The following PTPRN2 variants were observed in gnomAD, a reference collection of about 807,000 sequenced individuals.
PTPRN2 encodes protein tyrosine phosphatase receptor type N2.
Under a neutral mutation model 118.8 loss-of-function variants are expected in PTPRN2, and 74 were observed. That is an observed-to-expected ratio of 0.62 (90% CI 0.52 to 0.76). PTPRN2 has a LOEUF of 0.76. Ranked by LOEUF, PTPRN2 falls within the 30% of genes least tolerant of loss-of-function variation. The pLI, the probability that PTPRN2 is intolerant of heterozygous loss-of-function variation, is 0.00. For missense variants in PTPRN2, 1,481 were observed against 1,394.4 expected (o/e 1.06, Z -0.99); for synonymous variants, 641 against 608.0 (o/e 1.05, Z -0.80).
At position 158,197,870 on chromosome 7, in the gene PTPRN2, C is replaced by T. The variant is rs374990854; in HGVS notation, c.381-5375G>A. On this transcript the variant is annotated intron_variant, in intron 4 of 22. Transcript: ENST00000389418. ...CTCCCACTGGGTCCCTCCCATGACA[C>T]GTGCAGATTATGAGAACTACAATTC... 5.3e-5 allele frequency among the ~76,000 whole-genome samples: 8 copies of T among 152,274 alleles called. No homozygotes were observed. In the East Asian group the frequency reaches 1.3e-3, roughly 26 times the overall value.
intron 11 of PTPRN2, among the ~76,000 whole-genome samples, chr7:157,982,752 T>G: frequency 2.3e-5 from 2 of 85,618 alleles, no homozygotes; most frequent in Non-Finnish European, 4.3e-5. Context: ...AGGAGGGGAA[T>G]GCAGAGTGCA....
chr7:157,851,922 C>T (rs900672538), intron 12 of PTPRN2, among the ~76,000 whole-genome samples: 4 of 152,228 alleles, frequency 2.6e-5, no homozygotes, highest in East Asian at 1.9e-4. Flanking sequence ...CTTGTGCCTC[C>T]GCCCACCTCG....
intron 13 of PTPRN2, among the ~76,000 whole-genome samples, chr7:157,672,203 G>A (rs1208893626): frequency 6.6e-6 from 1 of 152,154 alleles, no homozygotes; most frequent in East Asian, 1.9e-4. Flanking sequence ...GGAACGGGAA[G>A]GCCTGAGCAA....
At chr7:158,355,471 T>C (rs1310430414) in intron 2 of PTPRN2, among the ~76,000 whole-genome samples, 2 of 152,214 alleles carry the variant, frequency 1.3e-5, no homozygotes, top group African/African-American at 2.4e-5. Flanking sequence ...CTGCTCACAC[T>C]GTGTCATCTG....
intron 3 of PTPRN2, among the ~76,000 whole-genome samples, chr7:158,246,965 C>T (rs1796295781): frequency 1.3e-5 from 2 of 152,352 alleles, no homozygotes; most frequent in African/African-American, 2.4e-5. Flanking sequence ...GCCATCTCCA[C>T]GCACTTCTCA....
chr7:158,085,363 ACGACGCCCAT>A (rs1813253184), intron 10 of PTPRN2, among the ~76,000 whole-genome samples: 2 of 95,468 alleles, frequency 2.1e-5, no homozygotes, highest in African/African-American at 9.2e-5. Flanking sequence ...ATCCACACCC[ACGACGCCCAT>A]CCACACATGC....
intron 11 of PTPRN2, among the ~76,000 whole-genome samples, chr7:158,012,280 CG>C (rs1806102609): frequency 6.6e-6 from 1 of 151,600 alleles, no homozygotes; most frequent in Admixed American, 6.6e-5. Context: ...GGGGAACTGC[CG>C]GGGGCTGATA....
In PTPRN2 at chr7:157,619,290, C is replaced by G. The variant is rs1175275030; in HGVS notation, c.2344+2072G>C. Among the ~76,000 whole-genome samples, 1 of 152,270 alleles carries G rather than the reference C, an allele frequency of 6.6e-6. No individual in the cohort carries two copies. Among genetic ancestry groups the G allele is most frequent in the African/African-American group, 2.4e-5 (1 of 41,552 alleles). On this transcript the variant is annotated intron_variant, in intron 15 of 22. Transcript: ENST00000389418. The surrounding 1 kb of genome is among the most constrained non-coding windows in gnomAD (Gnocchi z 5.3). ...AACACCTCACAATCTAAGTAAATGA[C>G]CAGACACACAGAGACATATAATGCA...
At chr7:158,252,520 C>T (rs991751987) in intron 3 of PTPRN2, among the ~76,000 whole-genome samples, 8 of 152,154 alleles carry the variant, frequency 5.3e-5, no homozygotes, top group Non-Finnish European at 1.2e-4. Flanking sequence ...CACTACCCCC[C>T]AGCCCCAGCC....
chr7:157,933,163 T>C (rs553465614), intron 11 of PTPRN2, among the ~76,000 whole-genome samples: 176 of 122,784 alleles, frequency 1.4e-3, no homozygotes, highest in African/African-American at 5.0e-3. Flanking sequence ...TCACTCTGAT[T>C]GACAGTTTTA....
intron 6 of PTPRN2, among the ~76,000 whole-genome samples, chr7:158,158,787 C>T (rs1471502927): frequency 2.3e-5 from 2 of 85,538 alleles, no homozygotes; most frequent in African/African-American, 7.7e-5. Context: ...GCCGGGACTT[C>T]GCAAGTGCTT....
At chr7:158,350,043 T>C (rs1014710028) in intron 2 of PTPRN2, among the ~76,000 whole-genome samples, 4 of 152,152 alleles carry the variant, frequency 2.6e-5, no homozygotes, top group Non-Finnish European at 4.4e-5. Context: ...GTAAAGTGGA[T>C]TGCAGCATCC....
intron 3 of PTPRN2, among the ~76,000 whole-genome samples, chr7:158,298,881 C>T (rs1248489548): frequency 1.3e-5 from 2 of 152,190 alleles, no homozygotes; most frequent in Non-Finnish European, 2.9e-5. Flanking sequence ...CATGTCATCA[C>T]TTCTTCCTGG....
intron 14 of PTPRN2, among the ~76,000 whole-genome samples, chr7:157,649,144 G>A (rs548938538): frequency 1.3e-4 from 14 of 109,760 alleles, no homozygotes; most frequent in South Asian, 3.6e-4. Context: ...TCGGTGGGTC[G>A]GACCCATCCA....
intron 11 of PTPRN2, among the ~76,000 whole-genome samples, chr7:158,071,278 CCG>C (rs1811482414): frequency 4.0e-5 from 1 of 25,126 alleles, no homozygotes; most frequent in Non-Finnish European, 7.3e-5. Context: ...GTGGAGGTGC[CCG>C]TGGTGGTGGA....
At chr7:157,866,748 G>A (rs1163056137) in intron 12 of PTPRN2, among the ~76,000 whole-genome samples, 3 of 150,736 alleles carry the variant, frequency 2.0e-5, no homozygotes, top group East Asian at 2.0e-4. Flanking sequence ...GCCCCGAGAT[G>A]CACGGCCACC....
chr7:157,900,640 T>A (rs1797386347), intron 11 of PTPRN2, among the ~76,000 whole-genome samples: 1 of 152,222 alleles, frequency 6.6e-6, no homozygotes, highest in African/African-American at 2.4e-5. Flanking sequence ...CCTGCCAGGA[T>A]GCTCTGAGCT....
chr7:157,686,894 A>C (rs1198777917), intron 12 of PTPRN2, among the ~76,000 whole-genome samples: 2 of 152,226 alleles, frequency 1.3e-5, no homozygotes, highest in Non-Finnish European at 2.9e-5. Context: ...ATAATTTAAA[A>C]AAATAATCAG....
rs777411917 is a variant in PTPRN2, at chr7:158,081,339, T to C, written c.1682A>G (p.Asn561Ser). 45 of 1,614,078 alleles carry C rather than the reference T, an allele frequency of 2.8e-5. No homozygotes were observed. Among genetic ancestry groups the C allele is most frequent in the East Asian group, 8.9e-5 (4 of 44,896 alleles). The stretch of plus-strand genomic sequence containing the variant: ...ATCCTCAGTGGTCACGTTTTGGACA[T>C]TGGCGCTCACTTTGAAGGTCACTGC... ...GPAVTFKVSANVQNVTTEDVE... is the reference protein window; with the variant it reads ...GPAVTFKVSASVQNVTTEDVE... The change falls in exon 11 of 23, where the codon AAT becomes AGT. Residue 561 changes from asparagine to serine, a missense_variant. Asn to Ser is a conservative substitution (Grantham distance 46). Transcript: ENST00000389418.
Sources: gnomAD v4.1 joint callset for allele counts (sites outside exome capture counted in the v4.1 genomes callset) on GRCh38, gnomAD v4.1.1 for gene constraint, Gnocchi (gnomAD v3.1) non-coding constraint, MANE v1.5 for transcripts, NCBI Gene and HGNC (gene_info 2026-07-23, HGNC 2026-07-21) for gene names.